TMEM135: variants seen among roughly 807,000 people sequenced by gnomAD.
The protein encoded by TMEM135 is transmembrane protein 135.
Under a neutral mutation model 60.3 loss-of-function variants are expected in TMEM135, and 30 were observed. That is an observed-to-expected ratio of 0.50 (90% CI 0.37 to 0.68). The LOEUF is 0.68. Among genes scored for constraint, TMEM135 ranks in the 30% least tolerant of loss-of-function variants. The pLI, the probability that TMEM135 is intolerant of heterozygous loss-of-function variation, is 0.00. For missense variants in TMEM135, 468 were observed against 548.8 expected (o/e 0.85, Z 1.47); for synonymous variants, 190 against 186.7 (o/e 1.02, Z -0.14).
chr11:87,113,376 C>G (rs1413512790), intron 4 of TMEM135, among the ~76,000 whole-genome samples: 1 of 152,084 alleles, frequency 6.6e-6, no homozygotes, highest in Non-Finnish European at 1.5e-5. Flanking sequence ...CTGAATCTTT[C>G]AGCTCTGGCT....
At chr11:87,209,125 A>G (rs919884368) in intron 5 of TMEM135, among the ~76,000 whole-genome samples, 2 of 152,234 alleles carry the variant, frequency 1.3e-5, no homozygotes, top group African/African-American at 2.4e-5. Context: ...CATTGGCACT[A>G]TAAAGCAACT....
intron 4 of TMEM135, among the ~76,000 whole-genome samples, chr11:87,131,239 G>A (rs1591043040): frequency 6.6e-6 from 1 of 152,172 alleles, no homozygotes; most frequent in South Asian, 2.1e-4. Context: ...GTTTACATTA[G>A]GGATAATTCT....
intron 5 of TMEM135, among the ~76,000 whole-genome samples, chr11:87,167,247 G>C (rs976796743): frequency 1.3e-5 from 2 of 152,184 alleles, no homozygotes; most frequent in Non-Finnish European, 2.9e-5. Context: ...TATGTCATCT[G>C]CAAACAGAGA....
intron 6 of TMEM135, among the ~76,000 whole-genome samples, chr11:87,246,523 C>T (rs1268285165): frequency 1.3e-5 from 2 of 152,114 alleles, no homozygotes; most frequent in African/African-American, 4.8e-5. Context: ...TCACATAGTC[C>T]CATATTTCTT....
chr11:87,255,308 C>G (rs1445192597), intron 6 of TMEM135, among the ~76,000 whole-genome samples: 2 of 152,148 alleles, frequency 1.3e-5, no homozygotes, highest in East Asian at 3.9e-4. Flanking sequence ...CTATTGCCAG[C>G]CTTACTCTGA....
At position 87,314,508 on chromosome 11, in the gene TMEM135, CACA is replaced by C. The variant is rs1278524310; in HGVS notation, c.1043_1045del (p.Thr348del). 1 of 1,610,804 alleles carries C rather than the reference CACA, an allele frequency of 6.2e-7. No individual in the cohort carries two copies. The highest frequency in any genetic ancestry group is 1.7e-5 in the Admixed American group (1 of 59,808). On this transcript the variant is annotated inframe_deletion, in exon 12 of 15. Transcript: ENST00000305494. ...GTATATCAATGATGTTTTATAAAAG[CACA>C]ACAATTTCCATGTATTTAGCGTCCA...
At chr11:87,150,608 T>C (rs1432299526) in intron 4 of TMEM135, among the ~76,000 whole-genome samples, 4 of 152,264 alleles carry the variant, frequency 2.6e-5, no homozygotes, top group African/African-American at 9.6e-5. Context: ...TGCTACCTTA[T>C]GTTTTTTTCA....
intron 2 of TMEM135, among the ~76,000 whole-genome samples, chr11:87,069,158 C>T (rs112277355): frequency 0.097 from 14,686 of 151,408 alleles, 779 homozygotes; most frequent in Non-Finnish European, 0.11. Flanking sequence ...TGGTGGCATG[C>T]GCCTGTAGTC....
intron 3 of TMEM135, among the ~76,000 whole-genome samples, chr11:87,080,168 G>GTTTTTTTT (rs35717116): frequency 7.8e-6 from 1 of 128,328 alleles, no homozygotes; most frequent in Non-Finnish European, 1.6e-5. Context: ...TGTTTGCAGT[G>GTTTTTTTT]TTTTTTTTTT....
intron 5 of TMEM135, among the ~76,000 whole-genome samples, chr11:87,194,700 C>G (rs1367782190): frequency 6.6e-6 from 1 of 152,050 alleles, no homozygotes; most frequent in Non-Finnish European, 1.5e-5. Flanking sequence ...TTCATATTCT[C>G]TGTTCATCTT....
At chr11:87,241,856 A>C (rs941302771) in intron 6 of TMEM135, among the ~76,000 whole-genome samples, 28 of 151,948 alleles carry the variant, frequency 1.8e-4, no homozygotes, top group Non-Finnish European at 3.5e-4. Context: ...TTTTAAAAAA[A>C]AATTTATTAT....
chr11:87,168,214 G>A (rs1939121951), intron 5 of TMEM135, among the ~76,000 whole-genome samples: 1 of 151,790 alleles, frequency 6.6e-6, no homozygotes, highest in Admixed American at 6.6e-5. Flanking sequence ...TTCTTTATTA[G>A]TCTGGCTCTG....
intron 5 of TMEM135, among the ~76,000 whole-genome samples, chr11:87,171,599 G>A (rs929045888): frequency 3.3e-5 from 5 of 152,142 alleles, no homozygotes; most frequent in Non-Finnish European, 5.9e-5. Flanking sequence ...ACCTTGGACA[G>A]TTTACTGAAC....
At chr11:87,107,458 C>T (rs944965181) in intron 4 of TMEM135, among the ~76,000 whole-genome samples, 3 of 150,626 alleles carry the variant, frequency 2.0e-5, no homozygotes, top group Admixed American at 6.6e-5. Flanking sequence ...TGTTCTCCAC[C>T]CTGTGTCCAA....
At chr11:87,283,731 G>A (rs1031196796) in intron 6 of TMEM135, among the ~76,000 whole-genome samples, 5 of 152,056 alleles carry the variant, frequency 3.3e-5, no homozygotes, top group Non-Finnish European at 5.9e-5. Flanking sequence ...GGTGGCGGGC[G>A]CCTGTAATCC....
chr11:87,281,771 A>G (rs1268581357), intron 6 of TMEM135, among the ~76,000 whole-genome samples: 1 of 152,198 alleles, frequency 6.6e-6, no homozygotes, highest in Non-Finnish European at 1.5e-5. Context: ...TATGAGCAAA[A>G]TCTTTAAGTC....
chr11:87,082,129 T>G (rs1020325549), intron 3 of TMEM135, among the ~76,000 whole-genome samples: 2 of 152,222 alleles, frequency 1.3e-5, no homozygotes, highest in African/African-American at 4.8e-5. Context: ...TTCACAAGCT[T>G]AGTGACTTTA....
intron 5 of TMEM135, 60 bp from the exon 6 acceptor site, chr11:87,236,578 G>A (rs773543268): frequency 6.8e-7 from 1 of 1,481,240 alleles, no homozygotes; most frequent in East Asian, 2.3e-5. Flanking sequence ...GCTTTTATGA[G>A]TCACTCAAAT....
At chr11:87,076,659 T>C (rs1856879961) in intron 3 of TMEM135, among the ~76,000 whole-genome samples, 1 of 152,220 alleles carries the variant, frequency 6.6e-6, no homozygotes, top group African/African-American at 2.4e-5. Flanking sequence ...ACATCTGTAG[T>C]GGGCATGTCT....
Sources: allele counts gnomAD v4.1 joint callset (sites outside exome capture counted in the v4.1 genomes callset), GRCh38; gene constraint gnomAD v4.1.1; transcripts MANE v1.5; gene names NCBI Gene and HGNC (gene_info 2026-07-23, HGNC 2026-07-21).